The following SLC30A7 variants were observed in gnomAD, a reference collection of about 807,000 sequenced individuals.
SLC30A7 encodes zinc transporter 7.
A neutral mutation model predicts 46.0 loss-of-function variants in SLC30A7; 35 were observed. That is an observed-to-expected ratio of 0.76 (90% CI 0.58 to 1.01). SLC30A7 has a LOEUF of 1.01. Ranked by LOEUF, SLC30A7 falls within the 50% of genes least tolerant of loss-of-function variation. The pLI is 0.00. For missense variants in SLC30A7, 464 were observed against 451.1 expected, an observed-to-expected ratio of 1.03 and a Z score of -0.26; for synonymous variants, 147 against 157.8, an observed-to-expected ratio of 0.93 and a Z score of 0.51.
intron 8 of SLC30A7, among the ~76,000 whole-genome samples, chr1:100,958,840 A>T (rs1164789513): frequency 6.6e-6 from 1 of 152,246 alleles, no homozygotes; most frequent in Non-Finnish European, 1.5e-5. Context: ...AGGGGGAAAC[A>T]CAATCTGGTA....
At position 100,976,658 on chromosome 1, in the gene SLC30A7, A is replaced by G. The variant is rs1656533415; in HGVS notation, c.*1801A>G. 1 of 152,596 alleles carries G rather than the reference A, an allele frequency of 6.6e-6. No homozygotes were observed. The highest frequency in any genetic ancestry group is 1.9e-4 in the East Asian group (1 of 5,204). The allele number at this position is 152,596 out of a possible 1,614,324, so 9.5% of individuals were successfully genotyped here. A position where few individuals can be genotyped will look rare whatever the true frequency, so the allele number is the denominator to read the frequency against. ...GGATGGAAACAATTATTAAGAATGT[A>G]GATCAATAAGTACTTTTTAGTGATG... On this transcript the variant is annotated 3_prime_UTR_variant, in exon 11 of 11. Transcript: ENST00000357650.
intron 8 of SLC30A7, among the ~76,000 whole-genome samples, chr1:100,950,813 A>G (rs895695921): frequency 1.3e-5 from 2 of 152,208 alleles, no homozygotes; most frequent in Non-Finnish European, 2.9e-5. Context: ...CCCTAGAGAC[A>G]TGATTCATGT....
chr1:100,991,799 A>AAAAAAAAAAAAG, the SLC30A7 span, among the ~76,000 whole-genome samples: 31 of 151,532 alleles, frequency 2.0e-4, no homozygotes, highest in South Asian at 6.3e-4. Context: ...AAAAAAAAAA[A>AAAAAAAAAAAAG]AAAAGTCTCA....
chr1:100,973,138 A>G (rs1273031677), intron 10 of SLC30A7, among the ~76,000 whole-genome samples: 1 of 152,038 alleles, frequency 6.6e-6, no homozygotes, highest in Non-Finnish European at 1.5e-5. Flanking sequence ...TAGAGCCTGC[A>G]AGCCTTTTAT....
chr1:100,964,618 A>AT (rs1655769718), intron 9 of SLC30A7, among the ~76,000 whole-genome samples: 1 of 151,944 alleles, frequency 6.6e-6, no homozygotes, highest in Non-Finnish European at 1.5e-5. Context: ...CTGTCCTCCC[A>AT]TTTTTTAATT....
At chr1:100,940,059 A>G (rs1654251021) in intron 8 of SLC30A7, among the ~76,000 whole-genome samples, 1 of 152,196 alleles carries the variant, frequency 6.6e-6, no homozygotes, top group Non-Finnish European at 1.5e-5. Context: ...TGTAATGAAC[A>G]TAATGAGATA....
chr1:100,978,550 G>C lies in SLC30A7; in HGVS notation c.*3693G>C, dbSNP rs1452092466. 1.3e-5 allele frequency: 2 copies of C among 152,074 alleles called. No individual in the cohort carries two copies. Among genetic ancestry groups the C allele is most frequent in the Non-Finnish European group, 2.9e-5 (2 of 67,998 alleles). The allele number at this position is 152,074 out of a possible 1,614,324, so 9.4% of individuals were successfully genotyped here. A position where few individuals can be genotyped will look rare whatever the true frequency, so the allele number is the denominator to read the frequency against. On this transcript the variant is annotated 3_prime_UTR_variant, in exon 11 of 11. Coordinates refer to ENST00000357650, the MANE Select transcript of SLC30A7 (RefSeq NM_133496.5). ...CCGAAGCCCAGAAAAACTCTCATTT[G>C]CTCAAAGTCACAGAGAAAATTAGTG... is the stretch of plus-strand genomic sequence containing the variant.
At chr1:100,962,042 C>A in intron 9 of SLC30A7, 124 bp downstream of exon 9, 1 of 537,896 alleles carries the variant, frequency 1.9e-6, no homozygotes, top group Non-Finnish European at 3.3e-6. Flanking sequence ...TGAATGCTGA[C>A]CATGAAATGT....
intron 8 of SLC30A7, among the ~76,000 whole-genome samples, chr1:100,961,096 A>G (rs1655523317): frequency 6.6e-6 from 1 of 150,788 alleles, no homozygotes; most frequent in Non-Finnish European, 1.5e-5. Context: ...CTGGGACTAC[A>G]GGCGCCCGCC....
At chr1:100,899,536 A>C (rs1651169242) in intron 2 of SLC30A7, among the ~76,000 whole-genome samples, 1 of 152,092 alleles carries the variant, frequency 6.6e-6, no homozygotes, top group South Asian at 2.1e-4. Flanking sequence ...TTTGTTTTCA[A>C]GTTACAGAAA....
intron 3 of SLC30A7, among the ~76,000 whole-genome samples, 155 bp downstream of exon 3, chr1:100,907,120 C>G (rs1020568968): frequency 3.3e-5 from 5 of 152,098 alleles, no homozygotes; most frequent in African/African-American, 1.2e-4. Context: ...TCCTACCTCC[C>G]CAAGGGTAAC....
intron 2 of SLC30A7, among the ~76,000 whole-genome samples, chr1:100,897,660 A>G (rs756512731): frequency 1.3e-5 from 2 of 152,222 alleles, no homozygotes; most frequent in African/African-American, 2.4e-5. Context: ...TTGACAGGTA[A>G]TATCACCAGG....
At chr1:100,972,948 C>T (rs1340350253) in intron 10 of SLC30A7, among the ~76,000 whole-genome samples, 2 of 151,690 alleles carry the variant, frequency 1.3e-5, no homozygotes, top group African/African-American at 4.8e-5. Context: ...CAAGAACATA[C>T]AGATACTGAA....
intron 8 of SLC30A7, among the ~76,000 whole-genome samples, chr1:100,958,160 C>T (rs1655330399): frequency 1.3e-5 from 2 of 151,904 alleles, no homozygotes; most frequent in South Asian, 4.1e-4. Flanking sequence ...TGGCCTCAAA[C>T]AATATTTGCG....
chr1:100,969,971 A>C (rs961102203), intron 10 of SLC30A7, among the ~76,000 whole-genome samples: 1 of 152,174 alleles, frequency 6.6e-6, no homozygotes, highest in African/African-American at 2.4e-5. Context: ...GGCTTGCAGG[A>C]GCATTTTTAT....
chr1:100,981,847 G>A (rs1462491274), downstream of SLC30A7: 1 of 152,206 alleles, frequency 6.6e-6, no homozygotes, highest in Non-Finnish European at 1.5e-5. Context: ...CTTAAGGAAT[G>A]AAAGGCAAAG....
At chr1:100,983,107 A>G (rs997323249), downstream of SLC30A7, among the ~76,000 whole-genome samples, 5 of 152,198 alleles carry the variant, frequency 3.3e-5, no homozygotes, top group African/African-American at 1.2e-4. Context: ...CCTAATGCTT[A>G]TCAAGTGTAA....
chr1:100,978,650 T>A lies in SLC30A7; in HGVS notation c.*3793T>A, dbSNP rs1368278598. 1 of 152,224 alleles carries A rather than the reference T, an allele frequency of 6.6e-6. No individual in the cohort carries two copies. The highest frequency in any genetic ancestry group is 2.4e-5 in the African/African-American group (1 of 41,462). The allele number at this position is 152,224 out of a possible 1,614,324, so 9.4% of individuals were successfully genotyped here. ...ATACTCTATTATGCTGCCTCTCCAG[T>A]GTAATATTTGCCTTTCTGTAAATGG... is the stretch of plus-strand genomic sequence containing the variant. On this transcript the variant is annotated 3_prime_UTR_variant, in exon 11 of 11. Coordinates refer to ENST00000357650, the MANE Select transcript of SLC30A7 (RefSeq NM_133496.5).
At chr1:100,955,414 A>G (rs1655172071) in intron 8 of SLC30A7, among the ~76,000 whole-genome samples, 1 of 152,072 alleles carries the variant, frequency 6.6e-6, no homozygotes, top group East Asian at 1.9e-4. Context: ...ATTTACCTTC[A>G]GCTTTTGAAG....
Sources: allele counts gnomAD v4.1 joint callset (sites outside exome capture counted in the v4.1 genomes callset), GRCh38; gene constraint gnomAD v4.1.1; transcripts MANE v1.5; gene names NCBI Gene and HGNC (gene_info 2026-07-23, HGNC 2026-07-21).